The following MYO5B variants were observed in gnomAD, a reference collection of about 807,000 sequenced individuals.
MYO5B encodes myosin VB, also known as unconventional myosin-Vb.
A neutral mutation model predicts 229.3 loss-of-function variants in MYO5B; 143 were observed. That is an observed-to-expected ratio of 0.62 (90% CI 0.54 to 0.72). The LOEUF (loss-of-function observed/expected upper bound fraction) is 0.72, where lower values mean the gene tolerates loss of function less well. MYO5B is among the 30% of genes least tolerant of loss of function. The pLI is 0.00. For missense variants in MYO5B, 2,321 were observed against 2,331.0 expected (o/e 1.00, Z 0.09); for synonymous variants, 918 against 885.2 (o/e 1.04, Z -0.66).
At chr18:50,059,363 T>C (rs547342803) in intron 1 of MYO5B, among the ~76,000 whole-genome samples, 2 of 152,294 alleles carry the variant, frequency 1.3e-5, no homozygotes, top group Admixed American at 1.3e-4. Context: ...TATGCCCTAA[T>C]GGGGTGATGT....
chr18:49,869,952 A>G (rs764363627), intron 27 of MYO5B, among the ~76,000 whole-genome samples: 1 of 152,186 alleles, frequency 6.6e-6, no homozygotes, highest in African/African-American at 2.4e-5. Flanking sequence ...ATGCCCCGAA[A>G]GTGCTACCTA....
At chr18:50,002,031 G>A (rs1194240111) in intron 4 of MYO5B, among the ~76,000 whole-genome samples, 4 of 38,960 alleles carry the variant, frequency 1.0e-4, no homozygotes, top group South Asian at 1.4e-3. Flanking sequence ...GCAAAACTCC[G>A]TCTCAAAAAA....
At chr18:49,998,062 C>CA (rs1730332778) in intron 5 of MYO5B, among the ~76,000 whole-genome samples, 1 of 151,910 alleles carries the variant, frequency 6.6e-6, no homozygotes, top group Admixed American at 6.5e-5. Flanking sequence ...GTCGTGTTTT[C>CA]AGACTTGGGA....
intron 29 of MYO5B, among the ~76,000 whole-genome samples, chr18:49,858,529 C>CA (rs1490914134): frequency 6.6e-6 from 1 of 152,240 alleles, no homozygotes; most frequent in Non-Finnish European, 1.5e-5. Context: ...CCCCACCCCC[C>CA]AGGGAGGGGC....
At chr18:50,048,559 TCAA>T (rs1472505506) in intron 2 of MYO5B, among the ~76,000 whole-genome samples, 1 of 152,086 alleles carries the variant, frequency 6.6e-6, no homozygotes, top group African/African-American at 2.4e-5. Flanking sequence ...CCTGAAGTGA[TCAA>T]CATCAGTTCT....
intron 1 of MYO5B, among the ~76,000 whole-genome samples, chr18:50,142,419 G>C (rs2032431809): frequency 6.6e-6 from 1 of 152,156 alleles, no homozygotes; most frequent in African/African-American, 2.4e-5. Flanking sequence ...AGGAGAAAGG[G>C]AACCAGATAT....
At chr18:49,853,717 A>C in intron 30 of MYO5B, 70 bp from the exon 31 acceptor site, 1 of 1,449,304 alleles carries the variant, frequency 6.9e-7, no homozygotes. Flanking sequence ...ACACAGGCAG[A>C]AACATAACAG....
At chr18:49,864,074 A>G in intron 28 of MYO5B, 67 bp downstream of exon 28, 1 of 1,587,840 alleles carries the variant, frequency 6.3e-7, no homozygotes, top group East Asian at 2.2e-5. Flanking sequence ...AAGATAATTA[A>G]AAAAACACTA....
intron 1 of MYO5B, among the ~76,000 whole-genome samples, chr18:50,192,527 T>G (rs1359189529): frequency 3.9e-5 from 6 of 152,218 alleles, no homozygotes; most frequent in Admixed American, 3.9e-4. Flanking sequence ...AGACATCTGC[T>G]TATTATGAGT....
chr18:49,994,072 A>T (rs2025961013), intron 5 of MYO5B, among the ~76,000 whole-genome samples: 1 of 151,892 alleles, frequency 6.6e-6, no homozygotes, highest in Non-Finnish European at 1.5e-5. Context: ...CTCTGCACCT[A>T]GTCGACTCAT....
chr18:50,141,108 G>T (rs1309625765), intron 1 of MYO5B, among the ~76,000 whole-genome samples: 2 of 152,154 alleles, frequency 1.3e-5, no homozygotes, highest in Non-Finnish European at 2.9e-5. Flanking sequence ...TGATTCTTGA[G>T]GTAGGAGGCA....
At chr18:50,115,469 G>A (rs554851152) in intron 1 of MYO5B, among the ~76,000 whole-genome samples, 1 of 151,664 alleles carries the variant, frequency 6.6e-6, no homozygotes, top group East Asian at 1.9e-4. Context: ...CACCTACCAG[G>A]GCCAGGTCTT....
In MYO5B at chr18:50,188,785, TAAAAA is replaced by T. The variant is rs4042094; in HGVS notation, c.27+5977_27+5981del. Among the ~76,000 whole-genome samples the T allele has an allele frequency of 9.6e-3, 1,001 of 104,704 alleles. 6 individuals carry two copies. Among genetic ancestry groups the T allele is most frequent in the South Asian group, 0.014 (33 of 2,436 alleles). The allele number at this position is 104,704 out of a possible 152,430, so 68.7% of individuals were successfully genotyped here. On this transcript the variant is annotated intron_variant, in intron 1 of 39. Coordinates refer to ENST00000285039, the MANE Select transcript of MYO5B (RefSeq NM_001080467.3). ...CTGGTGACACAGTGAGACTCTGTCA[TAAAAA>T]AAAAAAAAAAAAAAAAAAAAAAAAA...
intron 5 of MYO5B, among the ~76,000 whole-genome samples, chr18:49,996,834 CG>C (rs2144319789): frequency 6.6e-6 from 1 of 152,130 alleles, no homozygotes; most frequent in East Asian, 1.9e-4. Flanking sequence ...GACAAAGGGA[CG>C]GGGTTATGTT....
chr18:50,112,828 T>G (rs1382226887), intron 1 of MYO5B, among the ~76,000 whole-genome samples: 3 of 152,316 alleles, frequency 2.0e-5, no homozygotes, highest in South Asian at 2.1e-4. Context: ...ACATCCAGTA[T>G]AGCAGCTTTC....
chr18:50,193,002 G>A (rs2033249218), intron 1 of MYO5B, among the ~76,000 whole-genome samples: 1 of 152,118 alleles, frequency 6.6e-6, no homozygotes, highest in Non-Finnish European at 1.5e-5. Flanking sequence ...GGTATATTCA[G>A]TTGAGTCACT....
chr18:49,985,305 T>G (rs2144301163), intron 7 of MYO5B, among the ~76,000 whole-genome samples: 1 of 152,344 alleles, frequency 6.6e-6, no homozygotes, highest in South Asian at 2.1e-4. Flanking sequence ...TGGGCACACC[T>G]GAACTCTCTG....
intron 22 of MYO5B, among the ~76,000 whole-genome samples, chr18:49,892,183 C>T (rs1787616): frequency 0.58 from 88,429 of 152,140 alleles, 25,855 homozygotes; most frequent in Middle Eastern, 0.67. Context: ...TCAAAAAGAA[C>T]GAAATGTACA....
intron 1 of MYO5B, among the ~76,000 whole-genome samples, chr18:50,074,903 C>T (rs2031043199): frequency 6.6e-6 from 1 of 152,124 alleles, no homozygotes; most frequent in Non-Finnish European, 1.5e-5. Flanking sequence ...TCACTGCAGC[C>T]TCTGCCTCCC....
Sources: gnomAD v4.1 joint callset for allele counts (sites outside exome capture counted in the v4.1 genomes callset) on GRCh38, gnomAD v4.1.1 for gene constraint, MANE v1.5 for transcripts, NCBI Gene and HGNC (gene_info 2026-07-23, HGNC 2026-07-21) for gene names.